Variants in PUDP observed in about 807,000 individuals in gnomAD.
The protein encoded by PUDP is pseudouridine-5'-phosphatase.
In PUDP, 8 loss-of-function variants were observed where a neutral mutation model predicts 9.4. That is an observed-to-expected ratio of 0.85 (90% CI 0.50 to 1.53). The LOEUF (loss-of-function observed/expected upper bound fraction) is 1.53, where lower values mean the gene tolerates loss of function less well. Ranked by LOEUF, PUDP falls within the 40% of genes most tolerant of loss-of-function variation. The pLI, the probability that PUDP is intolerant of heterozygous loss-of-function variation, is 0.00. For missense variants in PUDP, 188 were observed against 189.7 expected (o/e 0.99, Z 0.05); for synonymous variants, 99 against 80.7 (o/e 1.23, Z -1.22).
At chrX:6,731,791 G>C (rs936946103) in intron 3 of PUDP, among the ~76,000 whole-genome samples, 1 of 105,626 alleles carries the variant, frequency 9.5e-6, no homozygotes, top group Non-Finnish European at 1.9e-5. Flanking sequence ...AAGGGAAGGA[G>C]GGAAGGGACG....
At chrX:7,020,374 T>G (rs1446330208) in intron 1 of PUDP, among the ~76,000 whole-genome samples, 1 of 78,853 alleles carries the variant, frequency 1.3e-5, no homozygotes, top group Non-Finnish European at 2.6e-5. Context: ...AACCTTCAGC[T>G]CTTTCTCTCC....
intron 3 of PUDP, among the ~76,000 whole-genome samples, chrX:6,874,135 T>TA (rs34723688): frequency 9.5e-6 from 1 of 104,840 alleles, no homozygotes; most frequent in African/African-American, 3.5e-5. Context: ...CCCCATCTCT[T>TA]AAAAAAAAAA....
At chrX:6,725,893 A>C (rs755864944), upstream of PUDP, among the ~76,000 whole-genome samples, 1 of 111,879 alleles carries the variant, frequency 8.9e-6, no homozygotes, top group Non-Finnish European at 1.9e-5. Flanking sequence ...CGACCATTCG[A>C]TCCAACAATC....
intron 3 of PUDP, among the ~76,000 whole-genome samples, chrX:6,968,367 C>T (rs1928818129): frequency 8.9e-6 from 1 of 111,744 alleles, no homozygotes. Flanking sequence ...AGGATGTGTC[C>T]GTGCCTTTCC....
At chrX:6,834,934 T>G (rs1279339159) in intron 3 of PUDP, among the ~76,000 whole-genome samples, 1 of 110,917 alleles carries the variant, frequency 9.0e-6, no homozygotes, top group Non-Finnish European at 1.9e-5. Context: ...AAGGTCACAT[T>G]GGGAATTAAG....
chrX:6,795,090 A>G (rs1745367889), intron 3 of PUDP, among the ~76,000 whole-genome samples: 1 of 109,883 alleles, frequency 9.1e-6, no homozygotes. Flanking sequence ...AAACACAAAC[A>G]CATAACTTTG....
chrX:7,067,353 T>C (rs1299697245), intron 3 of PUDP, among the ~76,000 whole-genome samples: 1 of 111,378 alleles, frequency 9.0e-6, no homozygotes, highest in Non-Finnish European at 1.9e-5. Context: ...GAACTAGAAA[T>C]CAACACTGCA....
At chrX:6,787,828 T>C (rs943990669) in intron 3 of PUDP, among the ~76,000 whole-genome samples, 26 of 112,647 alleles carry the variant, frequency 2.3e-4, no homozygotes, top group African/African-American at 8.4e-4. Context: ...ATTATCTTTG[T>C]AGTCACTGCC....
chrX:6,885,235 G>A (rs1209811246), intron 3 of PUDP, among the ~76,000 whole-genome samples: 2 of 111,806 alleles, frequency 1.8e-5, no homozygotes, highest in Non-Finnish European at 3.8e-5. Flanking sequence ...ACTAGGTGCT[G>A]GGCAGCTGCT....
rs1380359152 is a variant in PUDP at position 6,815,057 on chromosome X, G to A, written c.*248-108591C>T. Among the ~76,000 whole-genome samples, 5 of 110,389 alleles carry A rather than the reference G, an allele frequency of 4.5e-5. No homozygotes were observed. The South Asian group carries it at 1.2e-3, about 26-fold the overall frequency. ...ATGATTGTTTCAGTGACAACACGAC[G>A]GCTTCATGTTTATTAAGTGAATGGA... On this transcript the variant is annotated intron_variant and NMD_transcript_variant, in intron 3 of 3. Transcript: ENST00000655425.
At chrX:7,073,994 A>T (rs1930820307) in intron 3 of PUDP, among the ~76,000 whole-genome samples, 1 of 112,740 alleles carries the variant, frequency 8.9e-6, no homozygotes, top group African/African-American at 3.2e-5. Flanking sequence ...ATTCCTCCTC[A>T]TGAGGGCCCT....
chrX:6,800,618 G>A (rs1219968333), intron 3 of PUDP, among the ~76,000 whole-genome samples: 1 of 111,872 alleles, frequency 8.9e-6, no homozygotes, highest in Non-Finnish European at 1.9e-5. Context: ...GGTGAAGGAT[G>A]CTCGGACAAC....
In PUDP at chrX:6,900,268, T is replaced by A. The variant is rs1186854720; in HGVS notation, c.*247+76865A>T. On this transcript the variant is annotated intron_variant and NMD_transcript_variant, in intron 3 of 3. Coordinates refer to the PUDP transcript ENST00000655425. ...CAGTAGTCATTTATAAATAGAGCTA[T>A]TTTTTTCCCCTAAAAAACTGGAGGA... is the stretch of plus-strand genomic sequence containing the variant. Among the ~76,000 whole-genome samples, 2 of 106,902 alleles carry A rather than the reference T, an allele frequency of 1.9e-5. 1 individual carries two copies. The highest frequency in any genetic ancestry group is 3.9e-5 in the Non-Finnish European group (2 of 51,843). The allele number at this position is 106,902 out of a possible 115,157, so 92.8% of individuals were successfully genotyped here.
chrX:7,146,139 G>A (rs1391754008), intron 1 of PUDP, among the ~76,000 whole-genome samples: 1 of 110,862 alleles, frequency 9.0e-6, no homozygotes, highest in Non-Finnish European at 1.9e-5. Flanking sequence ...ATGAGGGGGG[G>A]GAATAAAAAG....
At chrX:6,870,860 GA>G (rs1447518518) in intron 3 of PUDP, among the ~76,000 whole-genome samples, 2 of 111,126 alleles carry the variant, frequency 1.8e-5, no homozygotes, top group African/African-American at 6.5e-5. Context: ...TTTTTATAGA[GA>G]CCGAATCTTT....
At chrX:6,813,678 C>T (rs1295904649) in intron 3 of PUDP, among the ~76,000 whole-genome samples, 3 of 111,486 alleles carry the variant, frequency 2.7e-5, no homozygotes, top group African/African-American at 9.8e-5. Flanking sequence ...CTCTCAGCAC[C>T]CCTATTCAGC....
At chrX:7,057,527 T>C in intron 3 of PUDP, 1 of 665,849 alleles carries the variant, frequency 1.5e-6, no homozygotes, top group South Asian at 3.2e-5. Context: ...ATACCTGGGA[T>C]GTTAAGCCTG....
chrX:7,028,792 G>A (rs767629890), intron 1 of PUDP, among the ~76,000 whole-genome samples: 1 of 111,542 alleles, frequency 9.0e-6, no homozygotes, highest in African/African-American at 3.3e-5. Context: ...GCCACGGACC[G>A]GGCCGCTTAC....
At chrX:6,975,551 C>G (rs948680274) in intron 3 of PUDP, among the ~76,000 whole-genome samples, 1 of 111,467 alleles carries the variant, frequency 9.0e-6, no homozygotes, top group Non-Finnish European at 1.9e-5. Context: ...GGCTGCAGAA[C>G]AGCAAAGATT....
Sources: gnomAD v4.1 joint callset for allele counts (sites outside exome capture counted in the v4.1 genomes callset) on GRCh38, gnomAD v4.1.1 for gene constraint, MANE v1.5 for transcripts, NCBI Gene and HGNC (gene_info 2026-07-23, HGNC 2026-07-21) for gene names.